The following DNAH11 variants were observed in gnomAD, a reference collection of about 807,000 sequenced individuals.
DNAH11 encodes dynein axonemal heavy chain 11.
A neutral mutation model predicts 526.0 loss-of-function variants in DNAH11; 442 were observed. That is an observed-to-expected ratio of 0.84 (90% CI 0.78 to 0.91). The LOEUF is 0.91. Among genes scored for constraint, DNAH11 ranks in the 40% least tolerant of loss-of-function variants. The pLI is 0.00. For synonymous variants in DNAH11, 2,461 were observed against 1,935.9 expected (o/e 1.27, Z -7.12); for missense variants, 6,989 against 5,448.7 (o/e 1.28, Z -8.90).
intron 30 of DNAH11, among the ~76,000 whole-genome samples, chr7:21,667,715 A>G (rs1782474094): frequency 6.6e-6 from 1 of 152,208 alleles, no homozygotes. Flanking sequence ...TCAAAAACAT[A>G]CAATAAAGGG....
At chr7:21,778,937 G>A (rs2127982470) in intron 56 of DNAH11, 21 bp from the exon 57 acceptor site, 1 of 1,611,214 alleles carries the variant, frequency 6.2e-7, no homozygotes, top group Non-Finnish European at 8.5e-7. Flanking sequence ...AGTGACGTAA[G>A]AATAATGACT....
intron 9 of DNAH11, among the ~76,000 whole-genome samples, chr7:21,582,957 A>G (rs1248551688): frequency 1.3e-5 from 2 of 152,166 alleles, no homozygotes; most frequent in African/African-American, 4.8e-5. Flanking sequence ...TAACATAAAG[A>G]ATTCACGAGG....
At chr7:21,718,241 T>C (rs1026090451) in intron 43 of DNAH11, among the ~76,000 whole-genome samples, 3 of 152,196 alleles carry the variant, frequency 2.0e-5, no homozygotes, top group Non-Finnish European at 4.4e-5. Context: ...GTGCCAGATA[T>C]GTGTTTGTTG....
In DNAH11 at chr7:21,735,588, A is replaced by ACG. The variant is rs1256732798; in HGVS notation, c.7441-50_7441-49dup. ...AAATTTTGGAATGCCTCTCTCTCGC[A>ACG]CGCACTCTCTCTCTCTTTCTGATCT... On this transcript the variant is annotated intron_variant, in intron 45 of 81. Coordinates refer to ENST00000409508, the MANE Select transcript of DNAH11 (RefSeq NM_001277115.2). 45 of 1,511,318 alleles carry ACG rather than the reference A, an allele frequency of 3.0e-5. No individual in the cohort carries two copies. In the East Asian group the frequency reaches 6.4e-4, roughly 22 times the overall value. The allele number at this position is 1,511,318 out of a possible 1,614,324, so 93.6% of individuals were successfully genotyped here.
intron 7 of DNAH11, among the ~76,000 whole-genome samples, chr7:21,571,384 A>C (rs1783882170): frequency 6.6e-6 from 1 of 152,060 alleles, no homozygotes; most frequent in East Asian, 1.9e-4. Flanking sequence ...GGATCAAGTG[A>C]TCCTCCCGCC....
At chr7:21,718,183 T>A (rs569093332) in intron 43 of DNAH11, among the ~76,000 whole-genome samples, 2 of 146,770 alleles carry the variant, frequency 1.4e-5, no homozygotes, top group South Asian at 2.1e-4. Context: ...GAACCATGTT[T>A]TACTGATTTT....
At chr7:21,744,736 T>C in intron 50 of DNAH11, 134 bp from the exon 51 acceptor site, 3 of 1,429,834 alleles carry the variant, frequency 2.1e-6, no homozygotes, top group East Asian at 2.4e-5. Flanking sequence ...ATACACTTGG[T>C]CTATGCTTGG....
rs746265687 is a variant in DNAH11, at chr7:21,600,130, A to T, written c.3000+11A>T. On this transcript the variant is annotated intron_variant, in intron 15 of 81. Coordinates refer to ENST00000409508, the MANE Select transcript of DNAH11 (RefSeq NM_001277115.2). Reference sequence around the variant, plus strand: ...ATTAAAAATTATCAGGTATTTTCTTAGTAAATGGGTATTTAGCTTTTATAT... The same window carrying T: ...ATTAAAAATTATCAGGTATTTTCTTTGTAAATGGGTATTTAGCTTTTATAT... 6.5e-7 allele frequency: 1 copy of T among 1,533,046 alleles called. No individual in the cohort carries two copies. Among genetic ancestry groups the T allele is most frequent in the Admixed American group, 2.0e-5 (1 of 48,994 alleles). The allele number at this position is 1,533,046 out of a possible 1,614,324, so 95.0% of individuals were successfully genotyped here.
At position 21,690,874 on chromosome 7, in the gene DNAH11, C is replaced by T. The variant is rs1023774686; in HGVS notation, c.6034C>T (p.Leu2012Phe). 2 of 1,611,228 alleles carry T rather than the reference C, an allele frequency of 1.2e-6. No homozygotes were observed. The highest frequency in any genetic ancestry group is 4.5e-5 in the East Asian group (2 of 44,776). The change falls in exon 35 of 82, where the codon CTT becomes TTT. Residue 2012 changes from leucine to phenylalanine, a missense_variant. By Grantham distance (22) the Leu-to-Phe change is conservative (BLOSUM62 0). Coordinates refer to ENST00000409508, the MANE Select transcript of DNAH11 (RefSeq NM_001277115.2). ...RTELPENLKA[L>F]FRPCAMVAPD... The stretch of plus-strand genomic sequence containing the variant: ...CGAATTACCGGAAAATCTCAAAGCT[C>T]TTTTCAGGCAAGTGTTATGCTTTGT...
chr7:21,895,600 A>AT (rs1451539295), intron 79 of DNAH11, among the ~76,000 whole-genome samples: 1 of 152,138 alleles, frequency 6.6e-6, no homozygotes, highest in Non-Finnish European at 1.5e-5. Flanking sequence ...AAAGCTGTTG[A>AT]TTCCTGGCTT....
At chr7:21,746,854 T>C (rs1786173190) in intron 51 of DNAH11, among the ~76,000 whole-genome samples, 1 of 152,164 alleles carries the variant, frequency 6.6e-6, no homozygotes, top group Admixed American at 6.5e-5. Flanking sequence ...CTATTAGTAA[T>C]GCTGTCTCGG....
intron 56 of DNAH11, among the ~76,000 whole-genome samples, chr7:21,777,652 C>G (rs1394060297): frequency 6.6e-6 from 1 of 152,106 alleles, no homozygotes; most frequent in Non-Finnish European, 1.5e-5. Flanking sequence ...TTGAATTTTC[C>G]TGATGGATGA....
At chr7:21,605,082 T>TTGCTCACTC (rs1211953611) in intron 18 of DNAH11, among the ~76,000 whole-genome samples, 4 of 152,246 alleles carry the variant, frequency 2.6e-5, no homozygotes, top group Non-Finnish European at 5.9e-5. Context: ...TGTGTGCCTC[T>TTGCTCACTC]TGCTCACTCT....
chr7:21,695,073 A>G (rs1352922247), intron 35 of DNAH11, among the ~76,000 whole-genome samples: 1 of 152,212 alleles, frequency 6.6e-6, no homozygotes, highest in Non-Finnish European at 1.5e-5. Context: ...ACTACAAACC[A>G]CTGCTCAAGG....
intron 74 of DNAH11, among the ~76,000 whole-genome samples, chr7:21,875,979 G>A (rs555912548): frequency 2.7e-5 from 4 of 147,816 alleles, no homozygotes; most frequent in African/African-American, 7.6e-5. Flanking sequence ...CGCCTCCCAG[G>A]TTCACGCCAT....
In DNAH11 at chr7:21,862,012, A is replaced by G. The variant is rs772706984; in HGVS notation, c.11362A>G (p.Met3788Val). Residue 3788 changes from methionine to valine, a missense_variant, in exon 69 of 82, where the codon ATG becomes GTG. Transcript: ENST00000409508. ...EKDKLTFLSQ[M>V]AFQILLRKKE... is the part of the protein sequence containing the mutation. ...GGACAAGCTCACCTTCCTGTCCCAG[A>G]TGGCTTTTCAGGTAAGGAGATCAGT... The G allele has an allele frequency of 2.5e-6, 4 of 1,612,084 alleles. No homozygotes were observed. The highest frequency in any genetic ancestry group is 3.4e-6 in the Non-Finnish European group (4 of 1,179,042).
intron 31 of DNAH11, 183 bp downstream of exon 31, chr7:21,681,860 A>T: frequency 1.3e-6 from 1 of 779,618 alleles, no homozygotes; most frequent in Non-Finnish European, 2.2e-6. Flanking sequence ...TTCTGATGAG[A>T]CCTATTCCAA....
At chr7:21,892,317 C>T in intron 76 of DNAH11, 108 bp from the exon 77 acceptor site, 3 of 1,457,310 alleles carry the variant, frequency 2.1e-6, no homozygotes, top group East Asian at 2.3e-5. Flanking sequence ...GCTACCCAGA[C>T]AGCATTGTGC....
At chr7:21,797,748 C>G (rs952242916) in intron 61 of DNAH11, among the ~76,000 whole-genome samples, 5 of 152,168 alleles carry the variant, frequency 3.3e-5, no homozygotes, top group African/African-American at 9.6e-5. Context: ...GGTGAACATT[C>G]ACTCATGCCC....
Sources: allele counts gnomAD v4.1 joint callset (sites outside exome capture counted in the v4.1 genomes callset), GRCh38; gene constraint gnomAD v4.1.1; transcripts MANE v1.5; gene names NCBI Gene and HGNC (gene_info 2026-07-23, HGNC 2026-07-21).